Variants in TNN observed in about 807,000 individuals in gnomAD.
TNN encodes the protein tenascin-N.
Under a neutral mutation model 134.4 loss-of-function variants are expected in TNN, and 122 were observed. That is an observed-to-expected ratio of 0.91 (90% confidence interval 0.78 to 1.06). The LOEUF is 1.06. Ranked by LOEUF, TNN falls within the 50% of genes least tolerant of loss-of-function variation. The pLI is 0.00. For synonymous variants in TNN, 710 were observed against 670.3 expected (o/e 1.06, Z -0.91); for missense variants, 1,739 against 1,699.4 (o/e 1.02, Z -0.41).
intron 9 of TNN, among the ~76,000 whole-genome samples, chr1:175,111,930 T>A (rs1675038540): frequency 6.6e-6 from 1 of 152,214 alleles, no homozygotes; most frequent in African/African-American, 2.4e-5. Flanking sequence ...GATCATGTTA[T>A]CTGCAAACAG....
chr1:175,107,694 C>T (rs1427755759), intron 9 of TNN, among the ~76,000 whole-genome samples: 1 of 133,572 alleles, frequency 7.5e-6, no homozygotes, highest in East Asian at 2.3e-4. Context: ...CTTTTCTGGC[C>T]CCACCCACAT....
chr1:175,077,337 C>G (rs1674063200), intron 1 of TNN, 47 bp from the exon 2 acceptor site: 1 of 1,448,836 alleles, frequency 6.9e-7, no homozygotes, highest in Admixed American at 2.2e-5. Context: ...AGCCAGCTTC[C>G]CTCAGCACAT....
intron 4 of TNN, among the ~76,000 whole-genome samples, chr1:175,081,001 G>T (rs1674188058): frequency 6.6e-6 from 1 of 152,206 alleles, no homozygotes; most frequent in South Asian, 2.1e-4. Context: ...GTAGAAAAGA[G>T]CTGCCTGGTA....
At position 175,082,660 on chromosome 1, in the gene TNN, G is replaced by C. The variant is rs1674223648; in HGVS notation, c.1049-1090G>C. ...TGAATCGGGGACGTTCAGAGCCCAGGGACCTTGAGATCACTGAGTTCACAC... is the reference window on the plus strand; with the variant it reads ...TGAATCGGGGACGTTCAGAGCCCAGCGACCTTGAGATCACTGAGTTCACAC... On this transcript the variant is annotated intron_variant, in intron 4 of 18. Transcript: ENST00000239462. 3.3e-5 allele frequency among the ~76,000 whole-genome samples: 5 copies of C among 152,156 alleles called. 1 individual carries two copies. The South Asian group carries it at 8.3e-4, about 25-fold the overall frequency.
rs760539207 is a variant in TNN, at chr1:175,117,048, C to CATTGG, written c.2229_2230insATTGG (p.Ser744IlefsTer23). 3 of 1,614,130 alleles carry CATTGG rather than the reference C, an allele frequency of 1.9e-6. No homozygotes were observed. The highest frequency in any genetic ancestry group is 2.7e-5 in the African/African-American group (2 of 74,930). On this transcript the variant is annotated frameshift_variant, in exon 10 of 19. Coordinates refer to ENST00000239462, the MANE Select transcript of TNN (RefSeq NM_022093.2). LOFTEE classifies it high-confidence loss of function. ...TTGACAGGTATGTGGTGCGCTACAC[C>CATTGG]TCTGCCAAGGACGGAGAGACCAGGG...
chr1:175,097,391 A>G (rs1434034491), intron 7 of TNN, 26 bp from the exon 8 acceptor site: 2 of 1,613,452 alleles, frequency 1.2e-6, no homozygotes, highest in East Asian at 2.2e-5. Context: ...TAAAGGCTAC[A>G]TTCTTCTTTC....
chr1:175,100,150 C>T (rs1341657367), intron 9 of TNN, among the ~76,000 whole-genome samples: 3 of 152,186 alleles, frequency 2.0e-5, no homozygotes, highest in Admixed American at 6.5e-5. Context: ...GACACCAGCC[C>T]GTATGATTCC....
chr1:175,118,864 T>A (rs200442985), intron 11 of TNN, 40 bp downstream of exon 11: 1 of 1,609,752 alleles, frequency 6.2e-7, no homozygotes. Context: ...GGGTAGTAGC[T>A]GCAGGTTGAT....
intron 15 of TNN, among the ~76,000 whole-genome samples, chr1:175,131,221 C>G (rs968904347): frequency 6.6e-6 from 1 of 152,198 alleles, no homozygotes; most frequent in Non-Finnish European, 1.5e-5. Flanking sequence ...TGGTGGGAGG[C>G]TGGAAAGAAC....
chr1:175,083,964 T>A (rs759918301), intron 5 of TNN, 29 bp downstream of exon 5: 3 of 1,608,874 alleles, frequency 1.9e-6, no homozygotes, highest in Non-Finnish European at 2.5e-6. Flanking sequence ...ATGTGAGATG[T>A]ATGCTGTGGA....
At chr1:175,120,604 A>G (rs1034777274) in intron 11 of TNN, among the ~76,000 whole-genome samples, 3 of 152,156 alleles carry the variant, frequency 2.0e-5, no homozygotes, top group Admixed American at 2.0e-4. Context: ...GCATGATGAA[A>G]GTCAGGGCAT....
At chr1:175,137,047 G>A in intron 17 of TNN, 59 bp downstream of exon 17, 1 of 1,565,562 alleles carries the variant, frequency 6.4e-7, no homozygotes, top group South Asian at 1.1e-5. Flanking sequence ...GTAAGGATTG[G>A]TTTGCCGTGT....
chr1:175,128,491 T>A, intron 14 of TNN, 104 bp from the exon 15 acceptor site: 1 of 1,361,296 alleles, frequency 7.3e-7, no homozygotes, highest in African/African-American at 1.5e-5. Flanking sequence ...TAGGAAGTTA[T>A]GAAATAATTT....
chr1:175,095,486 T>C (rs1283982929), intron 7 of TNN, among the ~76,000 whole-genome samples: 3 of 152,206 alleles, frequency 2.0e-5, no homozygotes, highest in Non-Finnish European at 4.4e-5. Context: ...TTGCCCCTCC[T>C]GGTTTACATT....
Position 175,147,252 on chromosome 1 carries a change from G to A in TNN, c.*181G>A, listed in dbSNP as rs1438850401. 1 of 535,556 alleles carries A rather than the reference G, an allele frequency of 1.9e-6. No homozygotes were observed. The highest frequency in any genetic ancestry group is 3.0e-6 in the Non-Finnish European group (1 of 332,284). The allele number at this position is 535,556 out of a possible 1,614,324, so 33.2% of individuals were successfully genotyped here. A position where few individuals can be genotyped will look rare whatever the true frequency, so the allele number is the denominator to read the frequency against. On this transcript the variant is annotated 3_prime_UTR_variant, in exon 19 of 19. Transcript: ENST00000239462. Reference sequence around the variant, plus strand: ...TGCATTTTTGCCCGTCTTTATGAGGGTCTTGAAAATCAAAATAGTAGTTGC... The same window carrying A: ...TGCATTTTTGCCCGTCTTTATGAGGATCTTGAAAATCAAAATAGTAGTTGC...
At chr1:175,119,881 G>A (rs543092987) in intron 11 of TNN, among the ~76,000 whole-genome samples, 6 of 152,112 alleles carry the variant, frequency 3.9e-5, no homozygotes, top group South Asian at 2.1e-4. Context: ...CTCGTGATCC[G>A]CCTACCATGG....
chr1:175,108,617 A>G (rs1047075889), intron 9 of TNN, among the ~76,000 whole-genome samples: 2 of 152,258 alleles, frequency 1.3e-5, no homozygotes, highest in African/African-American at 4.8e-5. Flanking sequence ...GAAGGCAGCT[A>G]AGGCTCAGCG....
chr1:175,136,987 A>G lies in TNN; in HGVS notation c.3594A>G (p.Ala1198=). Reference sequence around the variant, plus strand: ...CAGTTGGGAAATACAGAGGCACGGCAGGTGAGAAAAAATGTTTTCTTACTG... The same window carrying G: ...CAGTTGGGAAATACAGAGGCACGGCGGGTGAGAAAAAATGTTTTCTTACTG... ...KLTVGKYRGT[A]GDALTYHNGW... Residue 1198 remains alanine (A), a splice_region_variant and synonymous_variant, in exon 17 of 19, where the codon GCA becomes GCG. Coordinates refer to ENST00000239462, the MANE Select transcript of TNN (RefSeq NM_022093.2). 6.2e-7 allele frequency: 1 copy of G among 1,613,856 alleles called. No individual in the cohort carries two copies. Among genetic ancestry groups the G allele is most frequent in the Non-Finnish European group, 8.5e-7 (1 of 1,179,852 alleles).
intron 1 of TNN, among the ~76,000 whole-genome samples, chr1:175,074,646 T>C (rs1456208448): frequency 6.6e-6 from 1 of 152,178 alleles, no homozygotes; most frequent in African/African-American, 2.4e-5. Context: ...AGTGAGCTTT[T>C]ATTATTATCA....
Sources: gnomAD v4.1 joint callset for allele counts (sites outside exome capture counted in the v4.1 genomes callset) on GRCh38, gnomAD v4.1.1 for gene constraint, MANE v1.5 for transcripts, NCBI Gene and HGNC (gene_info 2026-07-23, HGNC 2026-07-21) for gene names.